PRR33: variants seen among roughly 807,000 people sequenced by gnomAD.
PRR33 encodes proline rich 33, also known as proline-rich protein 33.
In PRR33, 1 loss-of-function variant was observed where a neutral mutation model predicts 0.5. The observed-to-expected ratio is 2.18, with a 90% confidence interval of 0.77 to 10.34. The LOEUF (loss-of-function observed/expected upper bound fraction) is 10.34, where lower values mean the gene tolerates loss of function less well. Among genes scored for constraint, PRR33 ranks in the 30% most tolerant of loss-of-function variants. The pLI, the probability that PRR33 is intolerant of heterozygous loss-of-function variation, is 0.13. For synonymous variants in PRR33, 226 were observed against 110.0 expected (o/e 2.06, Z -6.60); for missense variants, 552 against 251.8 (o/e 2.19, Z -8.07).
the PRR33 span, among the ~76,000 whole-genome samples, chr11:1,899,790 A>T: frequency 6.6e-6 from 1 of 152,168 alleles, no homozygotes; most frequent in African/African-American, 2.4e-5. Flanking sequence ...CAATTTTCTA[A>T]TAATCTTTTA....
chr11:1,896,629 AT>A (rs796640273), upstream of PRR33, among the ~76,000 whole-genome samples: 44 of 152,010 alleles, frequency 2.9e-4, 2 homozygotes, highest in Middle Eastern at 3.4e-3. Flanking sequence ...TATGGCTTTT[AT>A]TTCTTTTGGG....
At chr11:1,890,499 G>T in exon 1 of PRR33, 1 of 717,040 alleles carries the variant, frequency 1.4e-6, no homozygotes, top group Non-Finnish European at 2.6e-6. Flanking sequence ...CCCTGGCTTG[G>T]GCAGCAGGGG....
At chr11:1,913,393 G>T in the PRR33 span, among the ~76,000 whole-genome samples, 15 of 150,400 alleles carry the variant, frequency 1.0e-4, no homozygotes, top group African/African-American at 3.7e-4. Flanking sequence ...TGATCCGCCC[G>T]CCTCAGCCTC....
At chr11:1,903,547 T>C in the PRR33 span, among the ~76,000 whole-genome samples, 1 of 152,214 alleles carries the variant, frequency 6.6e-6, no homozygotes, top group African/African-American at 2.4e-5. Flanking sequence ...TGAGGCTAAT[T>C]AGGAGCCCTT....
the PRR33 span, among the ~76,000 whole-genome samples, chr11:1,917,650 C>T: frequency 6.6e-6 from 1 of 152,242 alleles, no homozygotes; most frequent in African/African-American, 2.4e-5. Flanking sequence ...TGGTGCAGGC[C>T]CTCGAGGCCG....
At chr11:1,917,275 C>T in the PRR33 span, among the ~76,000 whole-genome samples, 8 of 152,188 alleles carry the variant, frequency 5.3e-5, no homozygotes, top group African/African-American at 7.2e-5. Context: ...CCCAACCATG[C>T]GCACTGGGTG....
upstream of PRR33, among the ~76,000 whole-genome samples, chr11:1,896,016 T>G (rs541302909): frequency 6.6e-6 from 1 of 152,188 alleles, no homozygotes; most frequent in South Asian, 2.1e-4. Flanking sequence ...TGAAAAAAAG[T>G]CATCAGTCTG....
exon 1 of PRR33, chr11:1,888,506 G>A (rs1589834301): frequency 1.3e-5 from 2 of 152,314 alleles, no homozygotes; most frequent in African/African-American, 2.4e-5. Flanking sequence ...TGGGCCGAGA[G>A]AGAGGTCACG....
chr11:1,890,132 G>A (rs1255907669), exon 1 of PRR33: 1 of 717,132 alleles, frequency 1.4e-6, no homozygotes, highest in African/African-American at 1.7e-5. Flanking sequence ...CTACAACCTG[G>A]GGCCCCATGG....
upstream of PRR33, among the ~76,000 whole-genome samples, chr11:1,895,643 T>C (rs554138212): frequency 2.0e-4 from 31 of 152,318 alleles, no homozygotes; most frequent in Non-Finnish European, 3.5e-4. Flanking sequence ...ATAAAGATTT[T>C]CTCCTGTGTT....
At chr11:1,898,748 G>A in the PRR33 span, among the ~76,000 whole-genome samples, 12 of 150,226 alleles carry the variant, frequency 8.0e-5, no homozygotes, top group Non-Finnish European at 1.2e-4. Context: ...GCTCACGCCT[G>A]TAATCCCAAC....
the PRR33 span, among the ~76,000 whole-genome samples, chr11:1,913,249 C>T: frequency 6.6e-6 from 1 of 152,072 alleles, no homozygotes; most frequent in Non-Finnish European, 1.5e-5. Context: ...GCCTCAGCTT[C>T]CCGAGTAGCT....
exon 1 of PRR33, chr11:1,889,622 T>C (rs1589835553): frequency 1.1e-5 from 7 of 612,320 alleles, no homozygotes; most frequent in Non-Finnish European, 1.8e-5. Flanking sequence ...GAGGGCCTGA[T>C]GGTGGGGTAG....
At chr11:1,902,125 G>GT in the PRR33 span, among the ~76,000 whole-genome samples, 12 of 151,960 alleles carry the variant, frequency 7.9e-5, no homozygotes, top group Non-Finnish European at 1.6e-4. Context: ...CCAGCTACTC[G>GT]GGAGGCTGAG....
chr11:1,913,302 T>G, the PRR33 span, among the ~76,000 whole-genome samples: 917 of 74,136 alleles, frequency 0.012, 4 homozygotes, highest in African/African-American at 0.025. Context: ...AACTTTTTTG[T>G]TTTTTTTTTT....
chr11:1,914,853 C>CTG, the PRR33 span, among the ~76,000 whole-genome samples: 47,537 of 124,940 alleles, frequency 0.38, 8,925 homozygotes, highest in Non-Finnish European at 0.43. Flanking sequence ...GGAGATGTTT[C>CTG]TGTGTGTGTG....
the PRR33 span, among the ~76,000 whole-genome samples, chr11:1,906,371 T>C: frequency 6.6e-6 from 1 of 152,214 alleles, no homozygotes; most frequent in African/African-American, 2.4e-5. Flanking sequence ...GGGTTTTTAG[T>C]TGTTAGCTTT....
chr11:1,888,882 G>A (rs956780083), exon 1 of PRR33: 8 of 402,284 alleles, frequency 2.0e-5, no homozygotes, highest in Middle Eastern at 6.2e-4. Context: ...CCTACATCCC[G>A]ACGCAGACCC....
chr11:1,900,027 T>G, the PRR33 span, among the ~76,000 whole-genome samples: 8 of 150,918 alleles, frequency 5.3e-5, no homozygotes, highest in Non-Finnish European at 1.2e-4. Context: ...CCATGTCAAA[T>G]ATATATATGT....
Sources: gnomAD v4.1 joint callset for allele counts (sites outside exome capture counted in the v4.1 genomes callset) on GRCh38, gnomAD v4.1.1 for gene constraint, MANE v1.5 for transcripts, NCBI Gene and HGNC (gene_info 2026-07-23, HGNC 2026-07-21) for gene names.